Variants in PRR16 observed in about 807,000 individuals in gnomAD.
The protein encoded by PRR16 is proline rich 16, also known as protein Largen.
Under a neutral mutation model 18.2 loss-of-function variants are expected in PRR16, and 6 were observed. That is an observed-to-expected ratio of 0.33 (90% CI 0.18 to 0.65). The LOEUF (loss-of-function observed/expected upper bound fraction) is 0.65. PRR16 is among the 30% of genes least tolerant of loss of function. PRR16 has a pLI of 0.74. For synonymous variants in PRR16, 151 were observed against 147.8 expected (o/e 1.02, Z -0.16); for missense variants, 412 against 376.6 (o/e 1.09, Z -0.78).
chr5:120,543,284 A>T (rs1303530605), intron 1 of PRR16, among the ~76,000 whole-genome samples: 1 of 152,134 alleles, frequency 6.6e-6, no homozygotes, highest in Non-Finnish European at 1.5e-5. Context: ...TTTAAGAATT[A>T]TATGTAGATG....
chr5:120,651,184 T>C (rs540010875), intron 1 of PRR16, among the ~76,000 whole-genome samples: 10 of 152,238 alleles, frequency 6.6e-5, no homozygotes, highest in Non-Finnish European at 1.2e-4. Flanking sequence ...TGTTTGGTTT[T>C]TTCTTGTCAA....
chr5:120,753,912 CTA>C, the PRR16 span, among the ~76,000 whole-genome samples: 13 of 95,882 alleles, frequency 1.4e-4, no homozygotes, highest in African/African-American at 3.6e-4. Context: ...TTATAAATCT[CTA>C]TAAATGTATA....
At chr5:120,712,800 A>G in the PRR16 span, among the ~76,000 whole-genome samples, 3 of 152,182 alleles carry the variant, frequency 2.0e-5, no homozygotes, top group South Asian at 6.2e-4. Flanking sequence ...TTAGCTAGCT[A>G]TTATCAAAAA....
At chr5:120,520,772 A>G (rs754761522) in intron 1 of PRR16, among the ~76,000 whole-genome samples, 1 of 152,162 alleles carries the variant, frequency 6.6e-6, no homozygotes, top group Non-Finnish European at 1.5e-5. Context: ...AAATGGTAGT[A>G]TTTTGTTTAA....
At chr5:120,647,037 A>T (rs546129438) in intron 1 of PRR16, among the ~76,000 whole-genome samples, 17 of 152,108 alleles carry the variant, frequency 1.1e-4, no homozygotes, top group African/African-American at 3.6e-4. Flanking sequence ...AATGTTTAAT[A>T]TTAGAAATTT....
chr5:120,683,557 G>A (rs78960440), intron 1 of PRR16, among the ~76,000 whole-genome samples: 2,356 of 150,184 alleles, frequency 0.016, 65 homozygotes, highest in African/African-American at 0.054. Context: ...TAAAAACAAA[G>A]GTTTTCTAAT....
intron 1 of PRR16, among the ~76,000 whole-genome samples, chr5:120,582,374 G>A (rs140024492): frequency 3.3e-4 from 50 of 152,052 alleles, no homozygotes; most frequent in African/African-American, 1.2e-3. Flanking sequence ...TGGGTGAAAG[G>A]TACACTAGAA....
the PRR16 span, among the ~76,000 whole-genome samples, chr5:120,751,801 G>A: frequency 1.3e-5 from 2 of 151,946 alleles, no homozygotes; most frequent in South Asian, 4.1e-4. Flanking sequence ...GTAGGGGGTG[G>A]GTGGAAGTAC....
At chr5:120,592,989 C>G (rs903295450) in intron 1 of PRR16, among the ~76,000 whole-genome samples, 1 of 151,966 alleles carries the variant, frequency 6.6e-6, no homozygotes, top group Non-Finnish European at 1.5e-5. Context: ...GTTACCCATA[C>G]CAGAATCTCG....
At chr5:120,701,589 G>C in the PRR16 span, among the ~76,000 whole-genome samples, 30 of 152,264 alleles carry the variant, frequency 2.0e-4, no homozygotes, top group African/African-American at 7.0e-4. Context: ...AAAGATTATA[G>C]GGTGGAGGAG....
chr5:120,531,898 A>G (rs962428394), intron 1 of PRR16, among the ~76,000 whole-genome samples: 9 of 152,190 alleles, frequency 5.9e-5, no homozygotes, highest in African/African-American at 2.2e-4. Context: ...TGAGACAGTG[A>G]TACAAGTGTT....
At chr5:120,538,030 C>T (rs1398043522) in intron 1 of PRR16, among the ~76,000 whole-genome samples, 1 of 152,062 alleles carries the variant, frequency 6.6e-6, no homozygotes, top group East Asian at 1.9e-4. Context: ...CCCGCCTCGG[C>T]CTCCCAAAGT....
At chr5:120,576,476 T>C (rs1753082195) in intron 1 of PRR16, among the ~76,000 whole-genome samples, 2 of 152,286 alleles carry the variant, frequency 1.3e-5, no homozygotes, top group South Asian at 2.1e-4. Context: ...CATTACTTCA[T>C]TCCAGTTAGA....
the PRR16 span, among the ~76,000 whole-genome samples, chr5:120,786,831 CTT>C: frequency 1.3e-5 from 2 of 151,972 alleles, no homozygotes; most frequent in Non-Finnish European, 1.5e-5. Context: ...AATTAATTAA[CTT>C]GACATTTAAT....
At chr5:120,715,876 C>T in the PRR16 span, among the ~76,000 whole-genome samples, 1 of 152,138 alleles carries the variant, frequency 6.6e-6, no homozygotes, top group African/African-American at 2.4e-5. Flanking sequence ...TAGGCCTTCT[C>T]TCTATAGAGT....
intron 1 of PRR16, among the ~76,000 whole-genome samples, chr5:120,504,148 A>G (rs1017383667): frequency 1.3e-5 from 2 of 151,968 alleles, no homozygotes; most frequent in African/African-American, 4.8e-5. Context: ...AGCATTAGGT[A>G]TATCTCCTAA....
intron 1 of PRR16, among the ~76,000 whole-genome samples, chr5:120,548,338 A>G (rs746659613): frequency 1.3e-5 from 2 of 152,100 alleles, no homozygotes; most frequent in South Asian, 2.1e-4. Context: ...GCATTTTTAC[A>G]TTATTGCTAC....
chr5:120,676,142 A>G (rs1187228992), intron 1 of PRR16, among the ~76,000 whole-genome samples: 1 of 152,076 alleles, frequency 6.6e-6, no homozygotes, highest in Non-Finnish European at 1.5e-5. Context: ...TTGTTTTAGT[A>G]TCTCTTTCAG....
At chr5:120,665,100 A>C (rs983977093) in intron 1 of PRR16, among the ~76,000 whole-genome samples, 7 of 129,414 alleles carry the variant, frequency 5.4e-5, no homozygotes, top group African/African-American at 1.9e-4. Flanking sequence ...CTATTTCTCC[A>C]CATCCTCTCC....
Sources: allele counts gnomAD v4.1 joint callset (sites outside exome capture counted in the v4.1 genomes callset), GRCh38; gene constraint gnomAD v4.1.1; transcripts MANE v1.5; gene names NCBI Gene and HGNC (gene_info 2026-07-23, HGNC 2026-07-21).